Variants in SULT1B1 observed in about 807,000 individuals in gnomAD.
SULT1B1 encodes the protein sulfotransferase family 1B member 1, also known as sulfotransferase 1B1.
SULT1B1 carries 28 observed loss-of-function variants against 34.6 expected under a neutral mutation model. The observed-to-expected ratio is 0.81, with a 90% CI of 0.60 to 1.11. The LOEUF (loss-of-function observed/expected upper bound fraction) is 1.11, where lower values mean the gene tolerates loss of function less well. SULT1B1 is among the 50% of genes least tolerant of loss of function. SULT1B1 has a pLI of 0.00. For missense variants in SULT1B1, 374 were observed against 352.2 expected, an observed-to-expected ratio of 1.06 and a Z score of -0.50; for synonymous variants, 147 against 110.2, an observed-to-expected ratio of 1.33 and a Z score of -2.09.
chr4:69,727,193 A>G lies in SULT1B1; in HGVS notation c.786T>C (p.Ala262=). ...SKSPFMRKGT[A]GDWKNYFTVA... The stretch of plus-strand genomic sequence containing the variant: ...CGGTGAAGTAATTCTTCCAGTCACC[A>G]GCCGTCCCTAAAGGTAAATAAAAAA... The change falls in exon 8 of 8, where the codon GCT becomes GCC. Residue 262 remains alanine, a synonymous_variant. Coordinates refer to ENST00000310613, the MANE Select transcript of SULT1B1 (RefSeq NM_014465.4). The G allele has an allele frequency of 1.2e-6, 2 of 1,610,010 alleles. No individual in the cohort carries two copies. The highest frequency in any genetic ancestry group is 1.7e-6 in the Non-Finnish European group (2 of 1,178,086).
chr4:69,755,332 C>T, intron 1 of SULT1B1, 71 bp from the exon 2 acceptor site: 1 of 1,233,542 alleles, frequency 8.1e-7, no homozygotes, highest in Non-Finnish European at 1.1e-6. Context: ...TGCAATTTGT[C>T]ACAAAGTAAA....
In SULT1B1 at chr4:69,754,622, T is replaced by A. The variant is rs778949297; in HGVS notation, c.277+48A>T. On this transcript the variant is annotated intron_variant, in intron 3 of 7. Transcript: ENST00000310613. ...GTCACACATACAATAATGCATATGCTGTCTAAATAATATTACAAAATAATA... is the reference window on the plus strand; with the variant it reads ...GTCACACATACAATAATGCATATGCAGTCTAAATAATATTACAAAATAATA... 7.6e-6 allele frequency: 12 copies of A among 1,578,332 alleles called. No individual in the cohort carries two copies. In the East Asian group the frequency reaches 2.7e-4, roughly 35 times the overall value.
chr4:69,742,502 G>A (rs903754357), intron 4 of SULT1B1, among the ~76,000 whole-genome samples: 1 of 152,168 alleles, frequency 6.6e-6, no homozygotes, highest in East Asian at 1.9e-4. Context: ...TGGCCCAGGG[G>A]TTTGATAGAT....
At chr4:69,758,211 AAAGT>A in intron 1 of SULT1B1, 1 of 751,876 alleles carries the variant, frequency 1.3e-6, no homozygotes. Context: ...GAAAGAAAAG[AAAGT>A]AAGTCTGTAA....
At chr4:69,729,545 G>T (rs1717979679) in intron 7 of SULT1B1, among the ~76,000 whole-genome samples, 2 of 152,062 alleles carry the variant, frequency 1.3e-5, no homozygotes, top group African/African-American at 2.4e-5. Flanking sequence ...TACTCTAGAA[G>T]TTATTTTTAA....
At chr4:69,751,609 G>A (rs190326795) in intron 3 of SULT1B1, among the ~76,000 whole-genome samples, 4 of 152,060 alleles carry the variant, frequency 2.6e-5, no homozygotes, top group Admixed American at 6.5e-5. Flanking sequence ...CCGCCACCAC[G>A]CCCGGCTAAT....
At chr4:69,728,222 C>T (rs910103208) in intron 7 of SULT1B1, among the ~76,000 whole-genome samples, 3 of 151,942 alleles carry the variant, frequency 2.0e-5, no homozygotes, top group African/African-American at 7.2e-5. Flanking sequence ...TAAATCATTC[C>T]AGTGATCTGA....
chr4:69,729,362 T>C (rs1034556012), intron 7 of SULT1B1, among the ~76,000 whole-genome samples: 1 of 152,012 alleles, frequency 6.6e-6, no homozygotes, highest in Non-Finnish European at 1.5e-5. Context: ...GGTTCTAGTA[T>C]ATTCAGAGGC....
intron 7 of SULT1B1, 52 bp downstream of exon 7, chr4:69,730,446 CATG>C (rs1052014237): frequency 1.1e-4 from 167 of 1,490,806 alleles, no homozygotes; most frequent in Non-Finnish European, 1.4e-4. Context: ...ATCCTTAGCT[CATG>C]ATAATTCATA....
chr4:69,740,336 G>A (rs542363089), intron 4 of SULT1B1, among the ~76,000 whole-genome samples: 1 of 152,310 alleles, frequency 6.6e-6, no homozygotes, highest in East Asian at 1.9e-4. Flanking sequence ...CAATCATGGT[G>A]GAAGGCAAAG....
In SULT1B1 at chr4:69,727,084, C is replaced by CA; in HGVS notation, c.*3dup. On this transcript the variant is annotated 3_prime_UTR_variant, in exon 8 of 8. Transcript: ENST00000310613. ...TATTTCTTCAGATGTGTGATTTAGACACTTTAAATCTCTGTGCGGAATTGA... is the reference window on the plus strand; with the variant it reads ...TATTTCTTCAGATGTGTGATTTAGACAACTTTAAATCTCTGTGCGGAATTGA... 6.3e-7 allele frequency: 1 copy of CA among 1,587,444 alleles called. No individual in the cohort carries two copies. The highest frequency in any genetic ancestry group is 1.1e-5 in the South Asian group (1 of 87,398).
In SULT1B1 at chr4:69,726,033, C is replaced by CATACAT. The variant is rs1717823703; in HGVS notation, c.*1054_*1055insATGTAT. On this transcript the variant is annotated 3_prime_UTR_variant, in exon 8 of 8. Transcript: ENST00000310613. ...ACTTAAAGTATAATAATAAAATGTA[C>CATACAT]ATATATATATATATATATATATATA... The CATACAT allele has an allele frequency of 3.4e-5, 1 of 29,160 alleles. No individual in the cohort carries two copies. Among genetic ancestry groups the CATACAT allele is most frequent in the Non-Finnish European group, 8.3e-5 (1 of 12,042 alleles). 1.8% of individuals were successfully genotyped at this position (29,160 alleles called of 1,614,324 possible).
At chr4:69,740,227 C>T (rs185635112) in intron 4 of SULT1B1, among the ~76,000 whole-genome samples, 1 of 152,322 alleles carries the variant, frequency 6.6e-6, no homozygotes, top group Non-Finnish European at 1.5e-5. Context: ...TTCATTCTCA[C>T]ACTGCTATAA....
In SULT1B1 at chr4:69,755,082, A is replaced by G; in HGVS notation, c.136T>C (p.Tyr46His). 6.2e-7 allele frequency: 1 copy of G among 1,613,028 alleles called. No individual in the cohort carries two copies. Among genetic ancestry groups the G allele is most frequent in the Non-Finnish European group, 8.5e-7 (1 of 1,179,094 alleles). The change falls in exon 2 of 8, where the codon TAT (tyrosine) becomes CAT (histidine). Residue 46 changes from tyrosine (Y) to histidine (H), a missense_variant. By Grantham distance (83) the Tyr-to-His change is moderately conservative. Transcript: ENST00000310613. ...SRPDDIVIATYPKSGTTWVSE... is the reference protein window; with the variant it reads ...SRPDDIVIATHPKSGTTWVSE... The stretch of plus-strand genomic sequence containing the variant: ...CCACAGAACTCACCTGATTTAGGAT[A>G]AGTGGCTATCACAATGTCATCTGGT...
intron 4 of SULT1B1, among the ~76,000 whole-genome samples, chr4:69,734,466 C>T (rs997932774): frequency 1.3e-5 from 2 of 152,030 alleles, no homozygotes; most frequent in East Asian, 1.9e-4. Context: ...GAGATTAGAA[C>T]CATCGAGCTA....
In SULT1B1 at chr4:69,749,115, CA is replaced by C. The variant is rs766180758; in HGVS notation, c.375+605del. Among the ~76,000 whole-genome samples the C allele has an allele frequency of 3.3e-3, 501 of 151,530 alleles. 13 individuals are homozygous for C. Among genetic ancestry groups the C allele is most frequent in the Non-Finnish European group, 4.5e-3 (304 of 67,754 alleles). Reference sequence around the variant, plus strand: ...ATAAAATTAATATACTTAAGAGGGACAAAAAAGAAGGAGAAGGCACAAATAA... The same window carrying C: ...ATAAAATTAATATACTTAAGAGGGACAAAAAGAAGGAGAAGGCACAAATAA... On this transcript the variant is annotated intron_variant, in intron 4 of 7. Coordinates refer to ENST00000310613, the MANE Select transcript of SULT1B1 (RefSeq NM_014465.4).
chr4:69,758,257 T>C, intron 1 of SULT1B1: 1 of 972,786 alleles, frequency 1.0e-6, no homozygotes, highest in Non-Finnish European at 1.2e-6. Context: ...TGGTATTGAA[T>C]AAATTGAATG....
chr4:69,734,381 GC>G, intron 4 of SULT1B1, 117 bp from the exon 5 acceptor site: 2 of 1,098,916 alleles, frequency 1.8e-6, no homozygotes, highest in Non-Finnish European at 2.5e-6. Flanking sequence ...GAAATTGTGG[GC>G]CAGGGAGGCC....
intron 4 of SULT1B1, among the ~76,000 whole-genome samples, chr4:69,734,552 G>A (rs1718224190): frequency 6.6e-6 from 1 of 152,086 alleles, no homozygotes; most frequent in Non-Finnish European, 1.5e-5. Context: ...TGTGGCTTCT[G>A]GAAGATCTGC....
Sources: gnomAD v4.1 joint callset for allele counts (sites outside exome capture counted in the v4.1 genomes callset) on GRCh38, gnomAD v4.1.1 for gene constraint, MANE v1.5 for transcripts, NCBI Gene and HGNC (gene_info 2026-07-23, HGNC 2026-07-21) for gene names.